The following SEC14L6 variants were observed in gnomAD, a reference collection of about 807,000 sequenced individuals.
SEC14L6 encodes the protein SEC14 like lipid binding 6.
A neutral mutation model predicts 54.1 loss-of-function variants in SEC14L6; 40 were observed. That is an observed-to-expected ratio of 0.74 (90% confidence interval 0.57 to 0.96). The LOEUF is 0.96. SEC14L6 is among the 40% of genes least tolerant of loss of function. The probability of loss-of-function intolerance (pLI) is 0.00; values close to 1 mark genes in which losing one functional copy is unlikely to be tolerated. For missense variants in SEC14L6, 471 were observed against 498.3 expected (o/e 0.95, Z 0.52); for synonymous variants, 171 against 198.4 (o/e 0.86, Z 1.16).
In SEC14L6 at chr22:30,534,056, G is replaced by C; in HGVS notation, c.131-17C>G. ...AGCTCCGAGCTGCAACAAGAGACAG[G>C]GTTATGGTTGTGGAATTCTAGAGGC... On this transcript the variant is annotated splice_polypyrimidine_tract_variant and intron_variant, in intron 2 of 11. Transcript: ENST00000402034. 1 of 1,550,730 alleles carries C rather than the reference G, an allele frequency of 6.4e-7. No homozygotes were observed. Among genetic ancestry groups the C allele is most frequent in the Non-Finnish European group, 8.7e-7 (1 of 1,146,914 alleles).
chr22:30,542,510 C>T (rs1363595836), intron 1 of SEC14L6: 2 of 798,960 alleles, frequency 2.5e-6, no homozygotes, highest in Non-Finnish European at 3.6e-6. Context: ...GACCCGGCCT[C>T]TGGGCAGCCC....
rs8135119 is a variant in SEC14L6 at position 30,525,489 on chromosome 22, A to G, written c.942T>C (p.Ile314=). ...RWQFASDGGD[I]GFGVFLKTKM... The stretch of plus-strand genomic sequence containing the variant: ...TGGTCTTCAGGAAAACCCCAAAGCC[A>G]ATGTCCCCACCATCTGAAGCAAACT... The change falls in exon 11 of 12, where the codon ATT becomes ATC. Residue 314 remains isoleucine (I), a synonymous_variant. Transcript: ENST00000402034. 59,923 of 1,613,676 alleles carry G rather than the reference A, an allele frequency of 0.037. 3,413 individuals carry two copies. Among genetic ancestry groups the G allele is most frequent in the African/African-American group, 0.26 (19,195 of 74,878 alleles).
At chr22:30,540,794 A>T (rs4820865) in intron 1 of SEC14L6, among the ~76,000 whole-genome samples, 2 of 151,286 alleles carry the variant, frequency 1.3e-5, no homozygotes, top group East Asian at 3.9e-4. Context: ...CAAGGCGGGC[A>T]GATCACTTGA....
intron 8 of SEC14L6, among the ~76,000 whole-genome samples, 176 bp downstream of exon 8, chr22:30,528,911 C>T (rs1362540074): frequency 2.0e-5 from 3 of 152,074 alleles, no homozygotes; most frequent in South Asian, 2.1e-4. Context: ...CTTCCTGGCC[C>T]GTCTTCCCTC....
intron 5 of SEC14L6, 200 bp downstream of exon 5, chr22:30,532,325 T>C (rs778424934): frequency 1.0e-6 from 1 of 971,496 alleles, no homozygotes; most frequent in Non-Finnish European, 1.2e-6. Flanking sequence ...TGGGGCCAAT[T>C]GGGGGAGAAA....
intron 6 of SEC14L6, among the ~76,000 whole-genome samples, chr22:30,531,272 G>A (rs1936960574): frequency 1.3e-5 from 2 of 151,872 alleles, no homozygotes; most frequent in African/African-American, 4.8e-5. Context: ...GCCGGGCGTG[G>A]TGGCAGGCGC....
In SEC14L6 at chr22:30,525,048, C is replaced by A; in HGVS notation, c.1143G>T (p.Val381=). 1 of 1,550,208 alleles carries A rather than the reference C, an allele frequency of 6.5e-7. No individual in the cohort carries two copies. Residue 381 remains valine, a synonymous_variant, in exon 12 of 12, where the codon GTG becomes GTT. Transcript: ENST00000402034. The part of the protein sequence containing the change: ...LVHSKRISYT[V]EVLLPDQTFM... ...AGGTTTGGTCTGGGAGCAGTACCTC[C>A]ACGGTGTAGCTGATGCGTTTAGAAT...
At chr22:30,537,853 C>T (rs2085626424) in intron 2 of SEC14L6, among the ~76,000 whole-genome samples, 1 of 152,320 alleles carries the variant, frequency 6.6e-6, no homozygotes, top group East Asian at 1.9e-4. Context: ...CCTTTTCTGT[C>T]TATAAAGCCA....
intron 1 of SEC14L6, among the ~76,000 whole-genome samples, chr22:30,540,789 C>T (rs7289280): frequency 6.6e-6 from 1 of 151,022 alleles, no homozygotes; most frequent in Non-Finnish European, 1.5e-5. Flanking sequence ...GAGGCCAAGG[C>T]GGGCAGATCA....
chr22:30,531,540 C>T (rs1936972606), intron 6 of SEC14L6, among the ~76,000 whole-genome samples: 1 of 152,150 alleles, frequency 6.6e-6, no homozygotes, highest in Non-Finnish European at 1.5e-5. Context: ...GCCTGATCAA[C>T]ATGGAGAAAC....
Position 30,538,873 on chromosome 22 carries a change from A to C in SEC14L6, c.84T>G (p.Ser28=). The C allele has an allele frequency of 6.4e-7, 1 of 1,556,668 alleles. No homozygotes were observed. The highest frequency in any genetic ancestry group is 1.7e-4 in the Middle Eastern group (1 of 5,994). ...AGTAGTCATCAGGATTGGGCAGCGCAGATAGCACATCTTGGATGTTCTCCC... is the reference window on the plus strand; with the variant it reads ...AGTAGTCATCAGGATTGGGCAGCGCCGATAGCACATCTTGGATGTTCTCCC... The part of the protein sequence containing the change: ...QFRENIQDVL[S]ALPNPDDYFL... Residue 28 remains serine (S), a synonymous_variant, in exon 2 of 12, where the codon TCT becomes TCG. Coordinates refer to ENST00000402034, the MANE Select transcript of SEC14L6 (RefSeq NM_001193336.4).
chr22:30,543,513 G>GCTC, intron 1 of SEC14L6: 1 of 1,613,074 alleles, frequency 6.2e-7, no homozygotes, highest in Non-Finnish European at 8.5e-7. Flanking sequence ...GGATGAGCTG[G>GCTC]CTCCTGGTGA....
At chr22:30,540,083 T>C (rs982383507) in intron 1 of SEC14L6, among the ~76,000 whole-genome samples, 1 of 152,194 alleles carries the variant, frequency 6.6e-6, no homozygotes, top group Non-Finnish European at 1.5e-5. Flanking sequence ...CTCAAAAGAC[T>C]TTCCTTGGCC....
chr22:30,540,367 C>CTTTTTTTT (rs753718105), intron 1 of SEC14L6, among the ~76,000 whole-genome samples: 2 of 114,040 alleles, frequency 1.8e-5, no homozygotes, highest in Non-Finnish European at 1.8e-5. Flanking sequence ...CTTTTTGTTC[C>CTTTTTTTT]TTTTTTTTTT....
chr22:30,544,015 A>T, intron 1 of SEC14L6: 13 of 1,589,642 alleles, frequency 8.2e-6, no homozygotes, highest in Non-Finnish European at 1.1e-5. Flanking sequence ...CCGGACCCCC[A>T]AGCAGCTGGC....
chr22:30,542,300 C>T (rs969217564), intron 1 of SEC14L6, among the ~76,000 whole-genome samples: 4 of 152,104 alleles, frequency 2.6e-5, no homozygotes, highest in Non-Finnish European at 4.4e-5. Context: ...AGGCAGACAC[C>T]CCCCCACCCC....
intron 6 of SEC14L6, among the ~76,000 whole-genome samples, chr22:30,531,652 A>C (rs1189928799): frequency 1.3e-5 from 2 of 152,232 alleles, no homozygotes; most frequent in East Asian, 3.9e-4. Context: ...TGAACCCGGG[A>C]GGTGAAGGTT....
At chr22:30,529,019 A>T in intron 8 of SEC14L6, 68 bp downstream of exon 8, 1 of 1,312,216 alleles carries the variant, frequency 7.6e-7, no homozygotes, top group Non-Finnish European at 1.1e-6. Context: ...GAACCATCAG[A>T]TCTGTGAGAA....
chr22:30,532,867 A>G lies in SEC14L6; in HGVS notation c.175-11T>C, dbSNP rs1249556620. On this transcript the variant is annotated splice_polypyrimidine_tract_variant and intron_variant, in intron 3 of 11. Coordinates refer to ENST00000402034, the MANE Select transcript of SEC14L6 (RefSeq NM_001193336.4). ...CCGGAACTCCATATGCTGCAGAGAC[A>G]CGGCAGGAGGTGGTGAAGATTCTGC... 6.2e-7 allele frequency: 1 copy of G among 1,612,708 alleles called. No homozygotes were observed.
Sources: allele counts gnomAD v4.1 joint callset (sites outside exome capture counted in the v4.1 genomes callset), GRCh38; gene constraint gnomAD v4.1.1; transcripts MANE v1.5; gene names NCBI Gene and HGNC (gene_info 2026-07-23, HGNC 2026-07-21).